Variants in DNAAF1 observed in about 807,000 individuals in gnomAD.
The protein encoded by DNAAF1 is dynein assembly factor 1, axonemal.
DNAAF1 carries 65 observed loss-of-function variants against 71.1 expected under a neutral mutation model. The observed-to-expected ratio is 0.91, with a 90% CI of 0.75 to 1.12. The LOEUF is 1.12. DNAAF1 is among the 50% of genes most tolerant of loss of function. The probability of loss-of-function intolerance (pLI) is 0.00; values close to 1 mark genes in which losing one functional copy is unlikely to be tolerated. For missense variants in DNAAF1, 1,178 were observed against 899.8 expected, an observed-to-expected ratio of 1.31 and a Z score of -3.96; for synonymous variants, 414 against 354.6, an observed-to-expected ratio of 1.17 and a Z score of -1.88.
chr16:84,155,869 C>T (rs1223542373), intron 5 of DNAAF1, 120 bp downstream of exon 5: 2 of 1,290,050 alleles, frequency 1.6e-6, no homozygotes, highest in Non-Finnish European at 2.2e-6. Context: ...CTTTTTCACA[C>T]TTTTTTCCTC....
intron 8 of DNAAF1, 143 bp downstream of exon 8, chr16:84,170,499 T>C: frequency 8.1e-6 from 11 of 1,361,980 alleles, no homozygotes; most frequent in Non-Finnish European, 1.1e-5. Context: ...ACTAGTTATC[T>C]TGTTTTCTAG....
At chr16:84,151,166 C>T (rs929074790) in intron 3 of DNAAF1, among the ~76,000 whole-genome samples, 9 of 152,132 alleles carry the variant, frequency 5.9e-5, no homozygotes, top group African/African-American at 2.2e-4. Context: ...GACCAGCTTG[C>T]TCATCAGTCC....
rs780355675 is a variant in DNAAF1, at chr16:84,145,399, G to A, written c.-42G>A. The A allele has an allele frequency of 6.4e-7, 1 of 1,566,656 alleles. No homozygotes were observed. Among genetic ancestry groups the A allele is most frequent in the South Asian group, 1.2e-5 (1 of 85,206 alleles). ...GTAGCGACGTCCGCCGCGAACCTGGGCCCCCCAAAGCTGCGGGGCGTTCGG... is the reference window on the plus strand; with the variant it reads ...GTAGCGACGTCCGCCGCGAACCTGGACCCCCCAAAGCTGCGGGGCGTTCGG... On this transcript the variant is annotated 5_prime_UTR_variant, in exon 1 of 12. Coordinates refer to ENST00000378553, the MANE Select transcript of DNAAF1 (RefSeq NM_178452.6).
chr16:84,163,389 T>C (rs1287979855), intron 6 of DNAAF1, among the ~76,000 whole-genome samples: 5 of 151,736 alleles, frequency 3.3e-5, no homozygotes, highest in African/African-American at 7.3e-5. Context: ...TTTTCTTTTT[T>C]TTTTTTTTTA....
intron 3 of DNAAF1, among the ~76,000 whole-genome samples, chr16:84,153,672 T>C (rs1279545051): frequency 6.6e-6 from 1 of 152,202 alleles, no homozygotes; most frequent in Non-Finnish European, 1.5e-5. Context: ...TTAAAAAGTG[T>C]TGGTAATAGT....
chr16:84,155,460 G>GCTC, intron 4 of DNAAF1, 123 bp from the exon 5 acceptor site: 1 of 1,132,896 alleles, frequency 8.8e-7, no homozygotes, highest in Non-Finnish European at 1.3e-6. Flanking sequence ...AACCTCCTGG[G>GCTC]CTCGAAAGAT....
intron 1 of DNAAF1, among the ~76,000 whole-genome samples, chr16:84,146,195 T>A (rs2086898564): frequency 6.6e-6 from 1 of 152,152 alleles, no homozygotes; most frequent in Non-Finnish European, 1.5e-5. Context: ...CACGCTATTC[T>A]CCCTGGTCCC....
chr16:84,156,312 C>G (rs1199782690), intron 5 of DNAAF1, among the ~76,000 whole-genome samples: 1 of 152,188 alleles, frequency 6.6e-6, no homozygotes, highest in Non-Finnish European at 1.5e-5. Context: ...CTGGTGTTAC[C>G]CACATTCTGG....
At chr16:84,149,258 G>A (rs921902572) in intron 2 of DNAAF1, 116 bp downstream of exon 2, 27 of 1,342,978 alleles carry the variant, frequency 2.0e-5, no homozygotes, top group Middle Eastern at 3.6e-4. Flanking sequence ...CCTGCCCAAT[G>A]TCTGAGAATG....
At chr16:84,148,596 C>CTCTTTTTTTTTTT in intron 1 of DNAAF1, among the ~76,000 whole-genome samples, 8 of 43,578 alleles carry the variant, frequency 1.8e-4, no homozygotes, top group South Asian at 8.4e-4. Flanking sequence ...CTCTCTCTCT[C>CTCTTTTTTTTTTT]TTTTTTTTTT....
chr16:84,151,907 G>C (rs1469643320), intron 3 of DNAAF1, among the ~76,000 whole-genome samples: 1 of 152,196 alleles, frequency 6.6e-6, no homozygotes, highest in East Asian at 1.9e-4. Context: ...AAGGAAGCAA[G>C]GCCAAGACAA....
At chr16:84,147,805 C>G (rs918660078) in intron 1 of DNAAF1, among the ~76,000 whole-genome samples, 2 of 152,038 alleles carry the variant, frequency 1.3e-5, no homozygotes, top group Admixed American at 1.3e-4. Context: ...GTGGCTCACG[C>G]CTGTAATCCC....
chr16:84,167,983 C>G (rs531571656), intron 7 of DNAAF1, among the ~76,000 whole-genome samples: 162 of 151,988 alleles, frequency 1.1e-3, no homozygotes, highest in African/African-American at 3.8e-3. Flanking sequence ...CACCATCGCA[C>G]TCCAGCCTGG....
intron 5 of DNAAF1, among the ~76,000 whole-genome samples, chr16:84,156,928 C>G (rs2087466026): frequency 7.0e-6 from 1 of 142,416 alleles, no homozygotes; most frequent in Admixed American, 7.2e-5. Flanking sequence ...TCATGGCTCA[C>G]TGCAGCCTCA....
chr16:84,160,279 T>C (rs2087637891), intron 6 of DNAAF1, among the ~76,000 whole-genome samples: 1 of 152,236 alleles, frequency 6.6e-6, no homozygotes, highest in South Asian at 2.1e-4. Context: ...TTCATTGTTA[T>C]TGGACACTTA....
intron 7 of DNAAF1, among the ~76,000 whole-genome samples, chr16:84,167,929 A>G (rs1010774041): frequency 1.3e-5 from 2 of 151,912 alleles, no homozygotes; most frequent in South Asian, 2.1e-4. Context: ...AGGCAGGAGA[A>G]TTGCTTGAAC....
intron 3 of DNAAF1, among the ~76,000 whole-genome samples, chr16:84,151,096 C>G (rs2087161613): frequency 6.6e-6 from 1 of 152,152 alleles, no homozygotes; most frequent in Admixed American, 6.5e-5. Context: ...TCAATGGAAG[C>G]TCAGGTTCAC....
chr16:84,145,498 C>A lies in DNAAF1; in HGVS notation c.58C>A (p.Gln20Lys). The A allele has an allele frequency of 6.4e-7, 1 of 1,567,426 alleles. No individual in the cohort carries two copies. The highest frequency in any genetic ancestry group is 1.2e-5 in the South Asian group (1 of 85,246). Residue 20 changes from glutamine (Q) to lysine (K), a missense_variant, in exon 1 of 12, where the codon CAG becomes AAG. Gln to Lys is a moderately conservative substitution (Grantham distance 53). Coordinates refer to ENST00000378553, the MANE Select transcript of DNAAF1 (RefSeq NM_178452.6). ...TGGTGCAGCAGAGCTGGATTGCGCG[C>A]AGGAGCCCGGCGTGGAGGAGTCTGC... The part of the protein sequence containing the change: ...TGGAAELDCA[Q>K]EPGVEESAGD...
In DNAAF1 at chr16:84,149,144, T is replaced by C. The variant is rs2087063603; in HGVS notation, c.260+2T>C. The C allele has an allele frequency of 6.2e-7, 1 of 1,613,958 alleles. No individual in the cohort carries two copies. The highest frequency in any genetic ancestry group is 8.5e-7 in the Non-Finnish European group (1 of 1,179,966). On this transcript the variant is annotated splice_donor_variant, in intron 2 of 11. Transcript: ENST00000378553. LOFTEE classifies it high-confidence loss of function. Reference sequence around the variant, plus strand: ...AGACAGGGAAGATCGGGGCCCCAGGTATGTGGGCATACTCCTAATTAGTGC... The same window carrying C: ...AGACAGGGAAGATCGGGGCCCCAGGCATGTGGGCATACTCCTAATTAGTGC...
Sources: allele counts gnomAD v4.1 joint callset (sites outside exome capture counted in the v4.1 genomes callset), GRCh38; gene constraint gnomAD v4.1.1; transcripts MANE v1.5; gene names NCBI Gene and HGNC (gene_info 2026-07-23, HGNC 2026-07-21).